The following IQSEC1 variants were observed in gnomAD, a reference collection of about 807,000 sequenced individuals.
IQSEC1 encodes IQ motif and SEC7 domain-containing protein 1.
A neutral mutation model predicts 91.0 loss-of-function variants in IQSEC1; 31 were observed. That is an observed-to-expected ratio of 0.34 (90% CI 0.26 to 0.46). The LOEUF (loss-of-function observed/expected upper bound fraction) is 0.46, where lower values mean the gene tolerates loss of function less well. IQSEC1 is among the 20% of genes least tolerant of loss of function. The pLI, the probability that IQSEC1 is intolerant of heterozygous loss-of-function variation, is 1.00. For synonymous variants in IQSEC1, 699 were observed against 662.6 expected, an observed-to-expected ratio of 1.05 and a Z score of -0.84; for missense variants, 1,388 against 1,575.6, an observed-to-expected ratio of 0.88 and a Z score of 2.02.
In IQSEC1 at chr3:12,899,132, G is replaced by A. The variant is rs1693949240; in HGVS notation, c.*1851C>T. 1.9e-6 allele frequency: 1 copy of A among 537,764 alleles called. No individual in the cohort carries two copies. The highest frequency in any genetic ancestry group is 1.9e-5 in the African/African-American group (1 of 52,724). 33.3% of individuals were successfully genotyped at this position (537,764 alleles called of 1,614,324 possible). A position where few individuals can be genotyped will look rare whatever the true frequency, so the allele number is the denominator to read the frequency against. Reference sequence around the variant, plus strand: ...AAGTGCTTGGTTTGCAGATTTGCTGGTACGGTGATCTCAATGATATGACCG... The same window carrying A: ...AAGTGCTTGGTTTGCAGATTTGCTGATACGGTGATCTCAATGATATGACCG... On this transcript the variant is annotated 3_prime_UTR_variant, in exon 14 of 14. Coordinates refer to ENST00000613206, the MANE Select transcript of IQSEC1 (RefSeq NM_001134382.3).
chr3:13,011,533 C>T (rs928711051), intron 1 of IQSEC1, among the ~76,000 whole-genome samples: 1 of 152,192 alleles, frequency 6.6e-6, no homozygotes, highest in Admixed American at 6.5e-5. Context: ...GGAGCTGACC[C>T]TATATTCTAG....
At chr3:13,277,750 C>T (rs1695717669) in intron 1 of IQSEC1, among the ~76,000 whole-genome samples, 1 of 152,198 alleles carries the variant, frequency 6.6e-6, no homozygotes, top group Admixed American at 6.5e-5. Flanking sequence ...TCTCCCTCTG[C>T]CCTGCCACCC....
At chr3:13,204,689 T>C (rs548488818) in intron 1 of IQSEC1, among the ~76,000 whole-genome samples, 4 of 152,358 alleles carry the variant, frequency 2.6e-5, no homozygotes, top group South Asian at 4.1e-4. Context: ...CTCGGGTCCC[T>C]GTCCTGCGCG....
At chr3:13,042,315 G>A (rs1475724963) in intron 1 of IQSEC1, 1 of 152,282 alleles carries the variant, frequency 6.6e-6, no homozygotes, top group Non-Finnish European at 1.5e-5. Context: ...AGGGGCTGTA[G>A]GCACAGGAAC....
chr3:13,039,900 C>T (rs1704186728), intron 1 of IQSEC1, among the ~76,000 whole-genome samples: 1 of 152,212 alleles, frequency 6.6e-6, no homozygotes, highest in African/African-American at 2.4e-5. Context: ...CTGGTTAAAT[C>T]CCAGTGGCAC....
At chr3:13,151,820 G>T (rs1169916243) in intron 2 of IQSEC1, among the ~76,000 whole-genome samples, 1 of 152,130 alleles carries the variant, frequency 6.6e-6, no homozygotes, top group African/African-American at 2.4e-5. Flanking sequence ...AGAAAAATTA[G>T]CTGGGTATGG....
Position 13,103,420 on chromosome 3 carries a change from G to A in IQSEC1, c.303-55898C>T, listed in dbSNP as rs959036272. On this transcript the variant is annotated intron_variant, in intron 2 of 15. Transcript: ENST00000648114. This position sits in a 1 kb window ranked among gnomAD's most constrained non-coding sequence, Gnocchi z 4.1. ...ACAGACCACTAGCTCCACCAGCCTC[G>A]GGGGAGTGGCAGGTGTGTTTAAAGC... 3.3e-5 allele frequency among the ~76,000 whole-genome samples: 5 copies of A among 152,098 alleles called. No individual in the cohort carries two copies. Among genetic ancestry groups the A allele is most frequent in the South Asian group, 2.1e-4 (1 of 4,818 alleles).
intron 1 of IQSEC1, among the ~76,000 whole-genome samples, chr3:13,213,492 A>T (rs1694483236): frequency 6.6e-6 from 1 of 152,076 alleles, no homozygotes; most frequent in African/African-American, 2.4e-5. Flanking sequence ...CATTTTGGCT[A>T]CCCTGGGCTC....
At chr3:13,104,519 T>G (rs1211755818) in intron 2 of IQSEC1, among the ~76,000 whole-genome samples, 1 of 152,144 alleles carries the variant, frequency 6.6e-6, no homozygotes, top group African/African-American at 2.4e-5. Context: ...GCCAGGCAAG[T>G]AGATTTCCAC....
At chr3:13,038,286 A>G (rs1704118741) in intron 1 of IQSEC1, among the ~76,000 whole-genome samples, 1 of 142,908 alleles carries the variant, frequency 7.0e-6, no homozygotes, top group Admixed American at 7.1e-5. Context: ...ATATATATAT[A>G]TATATATATA....
chr3:13,097,924 G>A (rs1219841583), intron 2 of IQSEC1, among the ~76,000 whole-genome samples: 2 of 152,208 alleles, frequency 1.3e-5, no homozygotes, highest in African/African-American at 4.8e-5. Flanking sequence ...TGTCCCACAG[G>A]GGTGCATGGA....
chr3:13,279,425 C>G (rs1207943773), intron 1 of IQSEC1, among the ~76,000 whole-genome samples: 1 of 152,136 alleles, frequency 6.6e-6, no homozygotes, highest in Non-Finnish European at 1.5e-5. Flanking sequence ...CTGAGAAACT[C>G]ATGATGGTAT....
Position 13,278,254 on chromosome 3 carries a change from C to A in IQSEC1, c.272+4457G>T, listed in dbSNP as rs866145236. 7.9e-5 allele frequency among the ~76,000 whole-genome samples: 12 copies of A among 152,138 alleles called. No homozygotes were observed. In the South Asian group the frequency reaches 1.9e-3, roughly 24 times the overall value. ...CAGGCCACTCCACTGGGCTTCCCCC[C>A]CCCACCCCCAGCCTCCTTAGGCGAT... is the stretch of plus-strand genomic sequence containing the variant. On this transcript the variant is annotated intron_variant, in intron 1 of 15. Coordinates refer to the IQSEC1 transcript ENST00000648114.
chr3:12,905,423 T>C (rs1194805779), intron 12 of IQSEC1, among the ~76,000 whole-genome samples: 48 of 152,236 alleles, frequency 3.2e-4, no homozygotes, highest in Non-Finnish European at 1.8e-4. Flanking sequence ...ACAGAAATGA[T>C]AGCTATGCAC....
chr3:13,225,983 C>G (rs973175447), intron 1 of IQSEC1, among the ~76,000 whole-genome samples: 1 of 151,910 alleles, frequency 6.6e-6, no homozygotes, highest in South Asian at 2.1e-4. Flanking sequence ...GGGTTCAAGT[C>G]AATTCTCCTG....
intron 1 of IQSEC1, chr3:13,015,608 C>T (rs1190327318): frequency 1.0e-6 from 1 of 985,248 alleles, no homozygotes; most frequent in Admixed American, 6.1e-5. Context: ...GGAGGTGTCC[C>T]TGGAACCCCA....
chr3:13,110,923 C>T (rs529047814), intron 2 of IQSEC1, among the ~76,000 whole-genome samples: 26 of 152,258 alleles, frequency 1.7e-4, no homozygotes, highest in South Asian at 1.7e-3. Flanking sequence ...TAAACAATGA[C>T]GATGCCTGGG....
chr3:12,901,090 G>A lies in IQSEC1; in HGVS notation c.3238C>T (p.Pro1080Ser). Reference sequence around the variant, plus strand: ...ACTGTGTGCCCCACGTGGGCCGAGGGCAGCGGCGGGTGGCCGTGGGCATGG... The same window carrying A: ...ACTGTGTGCCCCACGTGGGCCGAGGACAGCGGCGGGTGGCCGTGGGCATGG... ...GAHAHGHPPLPSAHVGHTVHH... is the reference protein window; with the variant it reads ...GAHAHGHPPLSSAHVGHTVHH... The change falls in exon 14 of 14, where the codon CCC becomes TCC. Residue 1080 changes from proline to serine, a missense_variant. Around this residue, in one of 2 missense-constraint regions of IQSEC1, gnomAD observed 329 missense variants for 257.8 expected, o/e 1.28. Transcript: ENST00000613206. The A allele has an allele frequency of 6.5e-7, 1 of 1,539,992 alleles. No homozygotes were observed.
chr3:13,006,627 AGTTT>A (rs2124876406), intron 1 of IQSEC1, among the ~76,000 whole-genome samples: 1 of 152,364 alleles, frequency 6.6e-6, no homozygotes, highest in South Asian at 2.1e-4. Flanking sequence ...TGTTCTGTGT[AGTTT>A]GTTACACAGC....
Sources: gnomAD v4.1 joint callset for allele counts (sites outside exome capture counted in the v4.1 genomes callset) on GRCh38, gnomAD v4.1.1 for gene constraint, gnomAD v4.1.1 regional missense constraint, Gnocchi (gnomAD v3.1) non-coding constraint, MANE v1.5 for transcripts, NCBI Gene and HGNC (gene_info 2026-07-23, HGNC 2026-07-21) for gene names.